PSMD1: variants seen among roughly 807,000 people sequenced by gnomAD.
The protein encoded by PSMD1 is proteasome 26S subunit, non-ATPase 1.
A neutral mutation model predicts 119.0 loss-of-function variants in PSMD1; 18 were observed. The ratio of observed to expected loss-of-function variants is 0.15; its 90% CI spans 0.10 to 0.22. The LOEUF is 0.22. PSMD1 is among the 10% of genes least tolerant of loss of function. PSMD1 has a pLI of 1.00. For missense variants in PSMD1, 702 were observed against 1,158.5 expected (o/e 0.61, Z 5.72); for synonymous variants, 374 against 396.6 (o/e 0.94, Z 0.68).
intron 1 of PSMD1, among the ~76,000 whole-genome samples, chr2:231,057,383 C>A (rs1693625909): frequency 6.6e-6 from 1 of 152,164 alleles, no homozygotes; most frequent in Admixed American, 6.5e-5. Flanking sequence ...TCGTCCAGCC[C>A]CAGTTCTTGC....
At chr2:231,117,101 C>T (rs958342860) in intron 16 of PSMD1, among the ~76,000 whole-genome samples, 1 of 151,900 alleles carries the variant, frequency 6.6e-6, no homozygotes, top group Non-Finnish European at 1.5e-5. Flanking sequence ...ATTCTAAAAT[C>T]ATTTTTTAGT....
At chr2:231,092,879 A>G (rs1694632141) in intron 16 of PSMD1, among the ~76,000 whole-genome samples, 1 of 152,210 alleles carries the variant, frequency 6.6e-6, no homozygotes, top group African/African-American at 2.4e-5. Context: ...TTCCTTTGCC[A>G]TGATATAGCC....
intron 4 of PSMD1, among the ~76,000 whole-genome samples, chr2:231,063,947 G>T (rs1216494897): frequency 6.6e-6 from 1 of 152,102 alleles, no homozygotes; most frequent in East Asian, 1.9e-4. Flanking sequence ...TAACAGGCGT[G>T]AGCCACCACA....
chr2:231,099,181 G>C (rs140291374), intron 16 of PSMD1, among the ~76,000 whole-genome samples: 1 of 152,134 alleles, frequency 6.6e-6, no homozygotes, highest in Non-Finnish European at 1.5e-5. Context: ...GATCCCATGC[G>C]CTGGAATTTT....
rs2125173535 is a variant in PSMD1, at chr2:231,083,667, G to A, written c.1626G>A (p.Glu542=). 3 of 1,614,222 alleles carry A rather than the reference G, an allele frequency of 1.9e-6. No individual in the cohort carries two copies. The highest frequency in any genetic ancestry group is 1.7e-6 in the Non-Finnish European group (2 of 1,180,040). ...GTTATGCACAAGAAACTCAACATGA[G>A]AAGATTCTGCGTGGTCTTGCAGTTG... ...MVGYAQETQH[E]KILRGLAVGI... Residue 542 remains glutamate, a synonymous_variant, in exon 14 of 25, where the codon GAG becomes GAA. Coordinates refer to ENST00000308696, the MANE Select transcript of PSMD1 (RefSeq NM_002807.4).
At chr2:231,091,097 A>G (rs1476232395) in intron 16 of PSMD1, among the ~76,000 whole-genome samples, 1 of 152,216 alleles carries the variant, frequency 6.6e-6, no homozygotes, top group East Asian at 1.9e-4. Flanking sequence ...TGCTGGCACT[A>G]GGGCCGAAGA....
chr2:231,162,078 A>AGCTAGGGAATCTGATGGAATGTAACT (rs1261698175), intron 20 of PSMD1, among the ~76,000 whole-genome samples: 2 of 152,238 alleles, frequency 1.3e-5, no homozygotes, highest in African/African-American at 4.8e-5. Flanking sequence ...AACTGTGAGG[A>AGCTAGGGAATCTGATGGAATGTAACT]GCTAGGGAAT....
chr2:231,161,388 A>G lies in PSMD1; in HGVS notation c.2267A>G (p.His756Arg). ...ISLQSRTGHT[H>R]MPSVVGVLVF... ...TTGCAGTCCAGGACTGGGCATACTC[A>G]TATGCCTTCTGTGGTTGGCGTCCTT... Residue 756 changes from histidine (H) to arginine (R), a missense_variant, in exon 20 of 25, where the codon CAT becomes CGT. Coordinates refer to ENST00000308696, the MANE Select transcript of PSMD1 (RefSeq NM_002807.4). 1 of 1,613,296 alleles carries G rather than the reference A, an allele frequency of 6.2e-7. No homozygotes were observed.
chr2:231,116,689 CT>C, intron 16 of PSMD1, among the ~76,000 whole-genome samples: 1 of 151,968 alleles, frequency 6.6e-6, no homozygotes, highest in East Asian at 1.9e-4. Context: ...CCCTGTTAGC[CT>C]CACTTTAAAC....
At chr2:231,079,684 A>G in intron 11 of PSMD1, 70 bp downstream of exon 11, 1 of 992,970 alleles carries the variant, frequency 1.0e-6, no homozygotes, top group Non-Finnish European at 1.5e-6. Context: ...AGAAAAAATA[A>G]CAGTTTATTA....
chr2:231,083,529 C>CATA, intron 13 of PSMD1, 38 bp from the exon 14 acceptor site: 1 of 1,604,848 alleles, frequency 6.2e-7, no homozygotes, highest in Non-Finnish European at 8.5e-7. Flanking sequence ...ACTTTAAAAA[C>CATA]ATAACTCTCT....
At chr2:231,122,926 G>A (rs1274538340) in intron 16 of PSMD1, among the ~76,000 whole-genome samples, 1 of 152,080 alleles carries the variant, frequency 6.6e-6, no homozygotes, top group Non-Finnish European at 1.5e-5. Context: ...AAACTATTAA[G>A]AGCTATAATA....
intron 16 of PSMD1, among the ~76,000 whole-genome samples, chr2:231,130,575 A>T (rs1290821448): frequency 6.6e-6 from 1 of 151,952 alleles, no homozygotes; most frequent in Non-Finnish European, 1.5e-5. Context: ...GGCTCAAGTG[A>T]TCCTCCCAAG....
At position 231,132,227 on chromosome 2, in the gene PSMD1, A is replaced by G. The variant is rs185493443; in HGVS notation, c.1884-6509A>G. On this transcript the variant is annotated intron_variant, in intron 16 of 24. Coordinates refer to ENST00000308696, the MANE Select transcript of PSMD1 (RefSeq NM_002807.4). ...TGAGTTTTGTGGTTGGTTTAAGAAT[A>G]GTATATATGTTATATTTTATTTACT... 7.5e-4 allele frequency among the ~76,000 whole-genome samples: 114 copies of G among 152,352 alleles called. 1 individual carries two copies. Among genetic ancestry groups the G allele is most frequent in the Non-Finnish European group, 1.2e-3 (84 of 68,028 alleles).
At position 231,123,523 on chromosome 2, in the gene PSMD1, A is replaced by G. The variant is rs770362891; in HGVS notation, c.1884-15213A>G. 1.2e-5 allele frequency: 20 copies of G among 1,614,108 alleles called. No homozygotes were observed. In the South Asian group the frequency reaches 1.5e-4, roughly 12 times the overall value. Reference sequence around the variant, plus strand: ...AGTAGCATACTGCAGCTTCTTCTCCAGTGAAACAGCCAGAATAACAAGGGT... The same window carrying G: ...AGTAGCATACTGCAGCTTCTTCTCCGGTGAAACAGCCAGAATAACAAGGGT... On this transcript the variant is annotated intron_variant, in intron 16 of 24. Coordinates refer to ENST00000308696, the MANE Select transcript of PSMD1 (RefSeq NM_002807.4).
At chr2:231,150,986 A>G (rs1209760541) in intron 18 of PSMD1, among the ~76,000 whole-genome samples, 1 of 152,208 alleles carries the variant, frequency 6.6e-6, no homozygotes, top group African/African-American at 2.4e-5. Context: ...AGTATAGGGT[A>G]TACAAGTAAA....
At chr2:231,144,981 A>C (rs1270289718) in intron 17 of PSMD1, among the ~76,000 whole-genome samples, 1 of 152,160 alleles carries the variant, frequency 6.6e-6, no homozygotes, top group African/African-American at 2.4e-5. Flanking sequence ...ATGACCTCTT[A>C]CCTCAAGACG....
intron 16 of PSMD1, among the ~76,000 whole-genome samples, chr2:231,132,178 A>G (rs978404827): frequency 5.9e-5 from 9 of 152,174 alleles, no homozygotes; most frequent in Admixed American, 2.0e-4. Flanking sequence ...CTTTCAGAAA[A>G]CTTTTCTACT....
chr2:231,156,637 CTG>C (rs1209063609), intron 19 of PSMD1, among the ~76,000 whole-genome samples: 1 of 151,964 alleles, frequency 6.6e-6, no homozygotes, highest in African/African-American at 2.4e-5. Context: ...TCTGTGGAAT[CTG>C]TAGTGATATC....
Sources: gnomAD v4.1 joint callset for allele counts (sites outside exome capture counted in the v4.1 genomes callset) on GRCh38, gnomAD v4.1.1 for gene constraint, MANE v1.5 for transcripts, NCBI Gene and HGNC (gene_info 2026-07-23, HGNC 2026-07-21) for gene names.